SPAG1: variants seen among roughly 807,000 people sequenced by gnomAD.
SPAG1 encodes the protein sperm-associated antigen 1.
SPAG1 carries 69 observed loss-of-function variants against 100.5 expected under a neutral mutation model. That is an observed-to-expected ratio of 0.69 (90% CI 0.57 to 0.84). The LOEUF is 0.84. Among genes scored for constraint, SPAG1 ranks in the 40% least tolerant of loss-of-function variants. SPAG1 has a pLI of 0.00. For synonymous variants in SPAG1, 336 were observed against 411.6 expected (o/e 0.82, Z 2.22); for missense variants, 955 against 1,133.1 (o/e 0.84, Z 2.26).
At chr8:100,233,665 T>A (rs900765795) in intron 16 of SPAG1, 128 bp downstream of exon 16, 16 of 883,924 alleles carry the variant, frequency 1.8e-5, no homozygotes, top group Non-Finnish European at 1.5e-5. Context: ...AGAACTGTAC[T>A]AACCAGTTCT....
At chr8:100,230,094 G>C (rs773903168) in intron 14 of SPAG1, among the ~76,000 whole-genome samples, 1 of 152,150 alleles carries the variant, frequency 6.6e-6, no homozygotes, top group Non-Finnish European at 1.5e-5. Flanking sequence ...GATTACTATG[G>C]CCATAGGACC....
chr8:100,166,101 G>A, intron 3 of SPAG1, 128 bp downstream of exon 3: 1 of 803,198 alleles, frequency 1.2e-6, no homozygotes, highest in Middle Eastern at 3.0e-4. Context: ...GGCAGGATTG[G>A]TTGCTTTTTA....
chr8:100,235,120 G>A (rs373572794), intron 16 of SPAG1, among the ~76,000 whole-genome samples: 2 of 152,270 alleles, frequency 1.3e-5, no homozygotes, highest in African/African-American at 4.8e-5. Context: ...GGTGTTAATA[G>A]GGGTGGTCTC....
chr8:100,231,082 C>T (rs775019498), intron 14 of SPAG1, 74 bp from the exon 15 acceptor site: 2 of 1,346,364 alleles, frequency 1.5e-6, no homozygotes, highest in Non-Finnish European at 2.0e-6. Flanking sequence ...AGAAGATTTA[C>T]TTATAGTTGT....
chr8:100,163,237 C>G (rs530491515), intron 2 of SPAG1, among the ~76,000 whole-genome samples: 1 of 152,130 alleles, frequency 6.6e-6, no homozygotes, highest in South Asian at 2.1e-4. Flanking sequence ...GGGCCCTATT[C>G]CCAGCGATTC....
intron 8 of SPAG1, among the ~76,000 whole-genome samples, chr8:100,189,342 T>A (rs1816716682): frequency 6.6e-6 from 1 of 152,102 alleles, no homozygotes; most frequent in African/African-American, 2.4e-5. Context: ...CTGGGCATGG[T>A]GGCAGGCACC....
rs370370024 is a variant in SPAG1, at chr8:100,200,349, A to T, written c.1096+6081A>T. Among the ~76,000 whole-genome samples the T allele has an allele frequency of 6.5e-3, 984 of 152,282 alleles. 8 individuals carry two copies. The highest frequency in any genetic ancestry group is 0.014 in the Middle Eastern group (4 of 294). ...ATTTTCTTAATCCAGTCTATCATTG[A>T]TGGACATTTGGGTTGGTTCCAAGTC... On this transcript the variant is annotated intron_variant, in intron 10 of 18. Transcript: ENST00000388798.
intron 11 of SPAG1, 82 bp downstream of exon 11, chr8:100,213,510 CTG>C (rs1300825337): frequency 9.3e-7 from 1 of 1,080,514 alleles, no homozygotes; most frequent in Non-Finnish European, 1.2e-6. Context: ...GGGAGAGGCG[CTG>C]CCGCCTCCTG....
intron 10 of SPAG1, among the ~76,000 whole-genome samples, chr8:100,195,864 C>T (rs907569317): frequency 6.6e-6 from 1 of 152,124 alleles, no homozygotes; most frequent in Admixed American, 6.5e-5. Context: ...ACAGTTCTAC[C>T]ACCCAAAAAG....
In SPAG1 at chr8:100,239,048, C is replaced by T. The variant is rs1819134048; in HGVS notation, c.2116-192C>T. Reference sequence around the variant, plus strand: ...GATCCTGTGCTTTTTCTTCTATAGTCGATGTTCACTGTATCATGGGTTATA... The same window carrying T: ...GATCCTGTGCTTTTTCTTCTATAGTTGATGTTCACTGTATCATGGGTTATA... On this transcript the variant is annotated intron_variant, in intron 16 of 18. Coordinates refer to ENST00000388798, the MANE Select transcript of SPAG1 (RefSeq NM_003114.5). The surrounding 1 kb of genome is among the most constrained non-coding windows in gnomAD (Gnocchi z 5.0). Among the ~76,000 whole-genome samples, 1 of 152,102 alleles carries T rather than the reference C, an allele frequency of 6.6e-6. No individual in the cohort carries two copies. Among genetic ancestry groups the T allele is most frequent in the African/African-American group, 2.4e-5 (1 of 41,414 alleles).
chr8:100,211,818 C>G (rs1456056325), intron 10 of SPAG1, among the ~76,000 whole-genome samples: 5 of 152,222 alleles, frequency 3.3e-5, no homozygotes, highest in Admixed American at 2.6e-4. Context: ...TGATCCATAT[C>G]AAGTTCTAAA....
At chr8:100,179,848 A>G (rs1781569601) in intron 4 of SPAG1, among the ~76,000 whole-genome samples, 1 of 152,208 alleles carries the variant, frequency 6.6e-6, no homozygotes, top group Non-Finnish European at 1.5e-5. Context: ...GATGGTTATG[A>G]TATGATGCAT....
chr8:100,182,888 ATAT>A (rs1470139027), intron 4 of SPAG1, among the ~76,000 whole-genome samples: 1 of 152,180 alleles, frequency 6.6e-6, no homozygotes, highest in Non-Finnish European at 1.5e-5. Flanking sequence ...TACATGCTGT[ATAT>A]TATTATGTTA....
chr8:100,234,943 G>A (rs965821519), intron 16 of SPAG1, among the ~76,000 whole-genome samples: 2 of 152,304 alleles, frequency 1.3e-5, no homozygotes, highest in African/African-American at 4.8e-5. Flanking sequence ...GGATGAGGAG[G>A]AAGGTAAGTG....
intron 3 of SPAG1, among the ~76,000 whole-genome samples, chr8:100,169,984 G>GAAA (rs71274959): frequency 1.3e-5 from 2 of 148,292 alleles, no homozygotes; most frequent in Non-Finnish European, 3.0e-5. Context: ...TAAGAGGCTG[G>GAAA]AAAAAAAAAA....
At chr8:100,227,841 A>ATTG (rs1818582064) in intron 14 of SPAG1, among the ~76,000 whole-genome samples, 1 of 103,796 alleles carries the variant, frequency 9.6e-6, no homozygotes, top group African/African-American at 4.0e-5. Flanking sequence ...ATTGTGTCAG[A>ATTG]TTTTTTTTTT....
intron 2 of SPAG1, 36 bp from the exon 3 acceptor site, chr8:100,165,778 G>A (rs1191475555): frequency 1.3e-6 from 2 of 1,572,476 alleles, no homozygotes; most frequent in Non-Finnish European, 1.7e-6. Context: ...TCCTAAATAA[G>A]GTGCTAACTC....
chr8:100,229,087 GA>G (rs1818646611), intron 14 of SPAG1, among the ~76,000 whole-genome samples: 1 of 152,164 alleles, frequency 6.6e-6, no homozygotes, highest in Non-Finnish European at 1.5e-5. Context: ...AAGAGAGAGA[GA>G]AACCATTGAT....
intron 12 of SPAG1, among the ~76,000 whole-genome samples, chr8:100,216,989 T>C (rs1818025037): frequency 7.1e-6 from 1 of 140,730 alleles, no homozygotes; most frequent in Admixed American, 8.0e-5. Flanking sequence ...GAGGCTGGAG[T>C]GCAGTGGCGC....
Sources: gnomAD v4.1 joint callset for allele counts (sites outside exome capture counted in the v4.1 genomes callset) on GRCh38, gnomAD v4.1.1 for gene constraint, Gnocchi (gnomAD v3.1) non-coding constraint, MANE v1.5 for transcripts, NCBI Gene and HGNC (gene_info 2026-07-23, HGNC 2026-07-21) for gene names.